Variants in CD3E observed in about 807,000 individuals in gnomAD.
CD3E encodes CD3 epsilon subunit of T-cell receptor complex.
A neutral mutation model predicts 34.7 loss-of-function variants in CD3E; 16 were observed. That is an observed-to-expected ratio of 0.46 (90% CI 0.31 to 0.70). CD3E has a LOEUF of 0.70. Ranked by LOEUF, CD3E falls within the 30% of genes least tolerant of loss-of-function variation. CD3E has a pLI of 0.05. For synonymous variants in CD3E, 70 were observed against 90.8 expected (o/e 0.77, Z 1.30); for missense variants, 223 against 253.9 (o/e 0.88, Z 0.83).
chr11:118,312,234 G>A, intron 5 of CD3E, 64 bp downstream of exon 5: 1 of 1,355,234 alleles, frequency 7.4e-7, no homozygotes, highest in Non-Finnish European at 1.1e-6. Context: ...TAGATGAGAA[G>A]GAACTGATTG....
chr11:118,307,934 C>T (rs1948116713), intron 3 of CD3E, among the ~76,000 whole-genome samples: 1 of 152,106 alleles, frequency 6.6e-6, no homozygotes, highest in South Asian at 2.1e-4. Context: ...TTTGGGAGGC[C>T]GAGGTGGGCA....
intron 2 of CD3E, among the ~76,000 whole-genome samples, chr11:118,305,422 C>T (rs528019728): frequency 2.2e-4 from 33 of 152,334 alleles, no homozygotes; most frequent in African/African-American, 7.0e-4. Flanking sequence ...GACCATAAAA[C>T]GCCTCGTAAT....
intron 2 of CD3E, among the ~76,000 whole-genome samples, chr11:118,306,463 C>G (rs978998711): frequency 6.6e-6 from 1 of 151,454 alleles, no homozygotes; most frequent in African/African-American, 2.4e-5. Flanking sequence ...CCACTGCACT[C>G]CAGCCTGGAG....
rs550465186 is a variant in CD3E, at chr11:118,307,456, A to G, written c.70+148A>G. ...GCCATCTACCCCTTTGACTTTCCTC[A>G]CAAGTCTGGAGATATTTCTAGCCCA... On this transcript the variant is annotated intron_variant, in intron 3 of 8. Coordinates refer to ENST00000361763, the MANE Select transcript of CD3E (RefSeq NM_000733.4). 450 of 684,604 alleles carry G rather than the reference A, an allele frequency of 6.6e-4. 3 individuals are homozygous for G. The Admixed American group carries it at 0.011, about 17-fold the overall frequency. The allele number at this position is 684,604 out of a possible 1,614,324, so 42.4% of individuals were successfully genotyped here. A position where few individuals can be genotyped will look rare whatever the true frequency, so the allele number is the denominator to read the frequency against.
At chr11:118,311,784 T>C (rs1948136795) in intron 4 of CD3E, among the ~76,000 whole-genome samples, 1 of 152,096 alleles carries the variant, frequency 6.6e-6, no homozygotes, top group Non-Finnish European at 1.5e-5. Flanking sequence ...TCTTTTGTCA[T>C]TCATATCTAT....
intron 3 of CD3E, among the ~76,000 whole-genome samples, chr11:118,308,133 C>T (rs1948117753): frequency 6.6e-6 from 1 of 152,184 alleles, no homozygotes; most frequent in African/African-American, 2.4e-5. Flanking sequence ...CACACCACTG[C>T]ACTCTAGCCT....
chr11:118,308,117 C>T (rs1248874068), intron 3 of CD3E, among the ~76,000 whole-genome samples: 1 of 151,728 alleles, frequency 6.6e-6, no homozygotes, highest in South Asian at 2.1e-4. Context: ...TGTAGTGAGC[C>T]GAGATCACAC....
chr11:118,311,560 G>A (rs1948135748), intron 4 of CD3E, among the ~76,000 whole-genome samples: 1 of 152,214 alleles, frequency 6.6e-6, no homozygotes, highest in African/African-American at 2.4e-5. Context: ...GGCAAATAGA[G>A]AGAAAATTAT....
chr11:118,307,312 A>C lies in CD3E; in HGVS notation c.70+4A>C. ...GTTGGCGTTTGGGGGCAAGATGGTGAGATATGCTTTCTTTCTTTCTTTTTT... is the reference window on the plus strand; with the variant it reads ...GTTGGCGTTTGGGGGCAAGATGGTGCGATATGCTTTCTTTCTTTCTTTTTT... On this transcript the variant is annotated splice_donor_region_variant and intron_variant, in intron 3 of 8. Coordinates refer to ENST00000361763, the MANE Select transcript of CD3E (RefSeq NM_000733.4). 1 of 1,604,728 alleles carries C rather than the reference A, an allele frequency of 6.2e-7. No homozygotes were observed. Among genetic ancestry groups the C allele is most frequent in the Non-Finnish European group, 8.5e-7 (1 of 1,173,660 alleles).
At position 118,304,885 on chromosome 11, in the gene CD3E, T is replaced by C; in HGVS notation, c.-59-9T>C. 6.7e-7 allele frequency: 1 copy of C among 1,485,010 alleles called. No individual in the cohort carries two copies. Among genetic ancestry groups the C allele is most frequent in the South Asian group, 1.1e-5 (1 of 88,624 alleles). The allele number at this position is 1,485,010 out of a possible 1,614,324, so 92.0% of individuals were successfully genotyped here. On this transcript the variant is annotated splice_polypyrimidine_tract_variant and intron_variant, in intron 1 of 8. Coordinates refer to ENST00000361763, the MANE Select transcript of CD3E (RefSeq NM_000733.4). ...TTTGAAAAAGTCATCTGTTTTGCTT[T>C]TTTTCCAGAAGTAGTAAGTCTGCTG...
Position 118,313,759 on chromosome 11 carries a change from A to C in CD3E, c.405A>C (p.Ile135=), listed in dbSNP as rs751299903. Residue 135 remains isoleucine, a synonymous_variant, in exon 7 of 9, where the codon ATA becomes ATC. Coordinates refer to ENST00000361763, the MANE Select transcript of CD3E (RefSeq NM_000733.4). The part of the protein sequence containing the change: ...MDVMSVATIV[I]VDICITGGLL... ...TGATGTCGGTGGCCACAATTGTCATAGTGGACATCTGCATCACTGGGGGCT... is the reference window on the plus strand; with the variant it reads ...TGATGTCGGTGGCCACAATTGTCATCGTGGACATCTGCATCACTGGGGGCT... 1 of 1,613,966 alleles carries C rather than the reference A, an allele frequency of 6.2e-7. No individual in the cohort carries two copies. The highest frequency in any genetic ancestry group is 8.5e-7 in the Non-Finnish European group (1 of 1,179,996).
At chr11:118,307,257 T>C (rs1480922630) in intron 2 of CD3E, 31 bp from the exon 3 acceptor site, 1 of 1,584,982 alleles carries the variant, frequency 6.3e-7, no homozygotes, top group African/African-American at 1.3e-5. Flanking sequence ...CAACATTTAC[T>C]AACACTTTTT....
chr11:118,312,069 C>G, intron 4 of CD3E, 84 bp from the exon 5 acceptor site: 3 of 1,192,648 alleles, frequency 2.5e-6, no homozygotes, highest in Non-Finnish European at 3.8e-6. Context: ...TGGGCAGTGT[C>G]TAATTCCACT....
intron 5 of CD3E, 159 bp from the exon 6 acceptor site, chr11:118,312,459 T>C: frequency 1.2e-6 from 1 of 859,890 alleles, no homozygotes; most frequent in South Asian, 1.6e-5. Flanking sequence ...ACATATCTCC[T>C]CTTCCACACC....
chr11:118,307,672 T>C (rs1178478201), intron 3 of CD3E, among the ~76,000 whole-genome samples: 2 of 152,164 alleles, frequency 1.3e-5, no homozygotes, highest in African/African-American at 4.8e-5. Flanking sequence ...TGGGGCAACA[T>C]TTGGATGTGT....
intron 2 of CD3E, among the ~76,000 whole-genome samples, chr11:118,306,990 A>T (rs1398125191): frequency 6.6e-6 from 1 of 152,170 alleles, no homozygotes. Flanking sequence ...CTATGTCTCT[A>T]GTCGTCCAAA....
intron 3 of CD3E, 152 bp downstream of exon 3, chr11:118,307,460 G>A: frequency 1.5e-6 from 1 of 673,372 alleles, no homozygotes; most frequent in Non-Finnish European, 2.5e-6. Context: ...TTCCTCACAA[G>A]TCTGGAGATA....
chr11:118,315,570 G>A lies in CD3E; in HGVS notation c.*28G>A. ...CTCTGGAGAACACTGCCTCCCGCTG[G>A]CCCAGGTCTCCTCTCCAGTCCCCCT... is the stretch of plus-strand genomic sequence containing the variant. On this transcript the variant is annotated 3_prime_UTR_variant, in exon 9 of 9. Transcript: ENST00000361763. The A allele has an allele frequency of 6.3e-7, 1 of 1,592,586 alleles. No individual in the cohort carries two copies. The highest frequency in any genetic ancestry group is 8.6e-7 in the Non-Finnish European group (1 of 1,166,502).
In CD3E at chr11:118,313,879, G is replaced by C. The variant is rs765464852; in HGVS notation, c.520+5G>C. 1.2e-6 allele frequency: 2 copies of C among 1,612,660 alleles called. No individual in the cohort carries two copies. Among genetic ancestry groups the C allele is most frequent in the South Asian group, 1.1e-5 (1 of 91,002 alleles). On this transcript the variant is annotated splice_donor_5th_base_variant and intron_variant, in intron 7 of 8. Coordinates refer to ENST00000361763, the MANE Select transcript of CD3E (RefSeq NM_000733.4). ...GTGCTGGCGGCAGGCAAAGGGGTAA[G>C]GCTGTGGAGTCCAGTCAGAGGAGAT...
Sources: gnomAD v4.1 joint callset for allele counts (sites outside exome capture counted in the v4.1 genomes callset) on GRCh38, gnomAD v4.1.1 for gene constraint, MANE v1.5 for transcripts, NCBI Gene and HGNC (gene_info 2026-07-23, HGNC 2026-07-21) for gene names.